The following C11orf65 variants were observed in gnomAD, a reference collection of about 807,000 sequenced individuals.
C11orf65 encodes chromosome 11 open reading frame 65.
Under a neutral mutation model 35.3 loss-of-function variants are expected in C11orf65, and 38 were observed. That is an observed-to-expected ratio of 1.08 (90% CI 0.83 to 1.41). C11orf65 has a LOEUF of 1.41. Ranked by LOEUF, C11orf65 falls within the 40% of genes most tolerant of loss-of-function variation. The pLI is 0.00. For synonymous variants in C11orf65, 105 were observed against 114.4 expected (o/e 0.92, Z 0.53); for missense variants, 370 against 367.1 (o/e 1.01, Z -0.06).
chr11:108,389,097 A>C lies in C11orf65; in HGVS notation c.732-3122T>G, dbSNP rs73545093. ...GGCATTTATGCCATTCTAACTGTCC[A>C]ACTGTAGAAAAATGTCCATAGACGT... On this transcript the variant is annotated intron_variant, in intron 7 of 8. Transcript: ENST00000393084. Among the ~76,000 whole-genome samples the C allele has an allele frequency of 9.1e-3, 1,388 of 152,376 alleles. 19 individuals carry two copies. Among genetic ancestry groups the C allele is most frequent in the African/African-American group, 0.031 (1,300 of 41,584 alleles).
intron 2 of C11orf65, among the ~76,000 whole-genome samples, chr11:108,448,304 T>C (rs2093295123): frequency 6.6e-6 from 1 of 152,306 alleles, no homozygotes; most frequent in South Asian, 2.1e-4. Context: ...ATTATCCTGA[T>C]ACGAAAGCCA....
chr11:108,335,347 T>C (rs771712611), intron 2 of C11orf65: 20 of 1,256,644 alleles, frequency 1.6e-5, no homozygotes, highest in Non-Finnish European at 2.1e-5. Context: ...ACCATTAACA[T>C]GTACAGACAT....
At chr11:108,348,439 AAG>A (rs910590305) in intron 2 of C11orf65, among the ~76,000 whole-genome samples, 33 of 150,996 alleles carry the variant, frequency 2.2e-4, no homozygotes, top group African/African-American at 5.6e-4. Context: ...ATAAGAAAGA[AAG>A]AATATATATA....
At chr11:108,322,277 C>T (rs542278567) in intron 6 of C11orf65, among the ~76,000 whole-genome samples, 1 of 152,278 alleles carries the variant, frequency 6.6e-6, no homozygotes, top group African/African-American at 2.4e-5. Flanking sequence ...GCCTCAGCCT[C>T]CCGAGTAGCT....
At chr11:108,358,622 G>A (rs1223974501) in intron 2 of C11orf65, among the ~76,000 whole-genome samples, 45 of 137,194 alleles carry the variant, frequency 3.3e-4, no homozygotes, top group Admixed American at 5.3e-4. Flanking sequence ...CAAGCCAGAA[G>A]AGAGTGGGGG....
downstream of C11orf65, among the ~76,000 whole-genome samples, chr11:108,379,618 A>T (rs935548214): frequency 1.3e-5 from 2 of 151,922 alleles, no homozygotes; most frequent in Non-Finnish European, 2.9e-5. Context: ...CTAAAACTTA[A>T]AGTATAATAA....
chr11:108,444,142 C>T (rs1213910185), intron 2 of C11orf65, among the ~76,000 whole-genome samples: 2 of 152,056 alleles, frequency 1.3e-5, no homozygotes, highest in Non-Finnish European at 2.9e-5. Context: ...GGGGATATCA[C>T]CACCGATCCC....
At chr11:108,355,415 T>C (rs956653235) in intron 2 of C11orf65, 3 of 163,916 alleles carry the variant, frequency 1.8e-5, no homozygotes, top group Non-Finnish European at 2.7e-5. Flanking sequence ...AGCAAACACA[T>C]GTAATCAGGA....
At chr11:108,388,325 C>A (rs2092063478) in intron 7 of C11orf65, among the ~76,000 whole-genome samples, 1 of 152,140 alleles carries the variant, frequency 6.6e-6, no homozygotes, top group African/African-American at 2.4e-5. Context: ...GATAAGAAAT[C>A]TAAGTTTTAC....
At position 108,310,383 on chromosome 11, in the gene C11orf65, A is replaced by T. The variant is rs760981819; in HGVS notation, c.641-1312T>A. The T allele has an allele frequency of 3.4e-6, 5 of 1,467,936 alleles. No individual in the cohort carries two copies. In the Admixed American group the frequency reaches 8.9e-5, roughly 26 times the overall value. The allele number at this position is 1,467,936 out of a possible 1,614,324, so 90.9% of individuals were successfully genotyped here. A position where few individuals can be genotyped will look rare whatever the true frequency, so the allele number is the denominator to read the frequency against. On this transcript the variant is annotated intron_variant, in intron 6 of 6. Transcript: ENST00000525729. ...CATTGTCTCAATAAGGGTATATAGT[A>T]AAGATTTATTTTGCCTCCTGTTCCC...
chr11:108,333,932 T>C lies in C11orf65; in HGVS notation c.299+1288A>G, dbSNP rs777548685. On this transcript the variant is annotated intron_variant, in intron 3 of 3. Transcript: ENST00000524755. ...ACCAGCCAATTACTAAACTTAAGAA[T>C]TTAGAAGATGTTGTTGTCCCTACTA... 5 of 1,611,834 alleles carry C rather than the reference T, an allele frequency of 3.1e-6. No individual in the cohort carries two copies. The East Asian group carries it at 1.1e-4, about 36-fold the overall frequency.
chr11:108,434,504 C>CAA (rs758864952), intron 2 of C11orf65, among the ~76,000 whole-genome samples: 25 of 108,670 alleles, frequency 2.3e-4, no homozygotes, highest in African/African-American at 7.2e-4. Context: ...GACTCTGTCT[C>CAA]AAAAAAAAAA....
chr11:108,357,727 T>C (rs546807431), intron 2 of C11orf65, among the ~76,000 whole-genome samples: 86 of 152,240 alleles, frequency 5.6e-4, no homozygotes, highest in African/African-American at 2.0e-3. Flanking sequence ...GACCTGCAGC[T>C]GAGGGTCTTG....
At chr11:108,447,845 A>G (rs1300205867) in intron 2 of C11orf65, among the ~76,000 whole-genome samples, 3 of 152,200 alleles carry the variant, frequency 2.0e-5, no homozygotes, top group African/African-American at 4.8e-5. Flanking sequence ...TGAATTCAGG[A>G]GCTGGTTTTT....
chr11:108,408,620 G>C (rs1468534740), intron 3 of C11orf65, among the ~76,000 whole-genome samples: 1 of 148,832 alleles, frequency 6.7e-6, no homozygotes, highest in Non-Finnish European at 1.5e-5. Context: ...AGGCTTCAGT[G>C]AGCAGAGATT....
At position 108,365,219 on chromosome 11, in the gene C11orf65, G is replaced by A. The variant is rs786203631; in HGVS notation, c.226+27989C>T. The A allele has an allele frequency of 6.2e-7, 1 of 1,614,164 alleles. No individual in the cohort carries two copies. Among genetic ancestry groups the A allele is most frequent in the African/African-American group, 1.3e-5 (1 of 75,040 alleles). ...ACCAAGAATGCAAACGAAATCTCAG[G>A]TGAGCAGTATTTTAAGAAGGTCCTG... is the stretch of plus-strand genomic sequence containing the variant. On this transcript the variant is annotated intron_variant, in intron 2 of 3. Transcript: ENST00000524755.
At chr11:108,401,944 T>C (rs1195643729) in intron 6 of C11orf65, among the ~76,000 whole-genome samples, 1 of 152,224 alleles carries the variant, frequency 6.6e-6, no homozygotes, top group East Asian at 1.9e-4. Flanking sequence ...AGTATGGCCA[T>C]ATCAGTAAGT....
intron 2 of C11orf65, among the ~76,000 whole-genome samples, chr11:108,344,225 G>C (rs1016605016): frequency 6.6e-6 from 1 of 152,172 alleles, no homozygotes; most frequent in South Asian, 2.1e-4. Context: ...TATGGAGGAG[G>C]AAGTGCTTAG....
At chr11:108,440,514 G>C (rs2093135147) in intron 2 of C11orf65, among the ~76,000 whole-genome samples, 1 of 152,158 alleles carries the variant, frequency 6.6e-6, no homozygotes, top group South Asian at 2.1e-4. Flanking sequence ...ATTGGGCATG[G>C]AATATAAAAA....
Sources: allele counts gnomAD v4.1 joint callset (sites outside exome capture counted in the v4.1 genomes callset), GRCh38; gene constraint gnomAD v4.1.1; transcripts MANE v1.5; gene names NCBI Gene and HGNC (gene_info 2026-07-23, HGNC 2026-07-21).